MON1B: variants seen among roughly 807,000 people sequenced by gnomAD.
MON1B encodes the protein vacuolar fusion protein MON1 homolog B.
MON1B carries 26 observed loss-of-function variants against 45.1 expected under a neutral mutation model. That is an observed-to-expected ratio of 0.58 (90% CI 0.42 to 0.80). The LOEUF is 0.80. MON1B is among the 30% of genes least tolerant of loss of function. The probability of loss-of-function intolerance (pLI) is 0.00; values close to 1 mark genes in which losing one functional copy is unlikely to be tolerated. For missense variants in MON1B, 737 were observed against 754.5 expected, an observed-to-expected ratio of 0.98 and a Z score of 0.27; for synonymous variants, 395 against 320.2, an observed-to-expected ratio of 1.23 and a Z score of -2.49.
At position 77,194,622 on chromosome 16, in the gene MON1B, C is replaced by G; in HGVS notation, c.763C>G (p.Arg255Gly). 1 of 1,613,786 alleles carries G rather than the reference C, an allele frequency of 6.2e-7. No individual in the cohort carries two copies. Among genetic ancestry groups the G allele is most frequent in the Non-Finnish European group, 8.5e-7 (1 of 1,179,924 alleles). ...TGCCGTGCGCTGTGTGCCCCTTGCCCGCCCGCTGCGAGACGCACTAGGTGC... is the reference window on the plus strand; with the variant it reads ...TGCCGTGCGCTGTGTGCCCCTTGCCGGCCCGCTGCGAGACGCACTAGGTGC... ...LGAVRCVPLA[R>G]PLRDALGALL... The change falls in exon 4 of 6, where the codon CGC (arginine) becomes GGC (glycine). Residue 255 changes from arginine to glycine, a missense_variant. Arg to Gly is a moderately radical substitution (Grantham distance 125, BLOSUM62 -2). Coordinates refer to ENST00000248248, the MANE Select transcript of MON1B (RefSeq NM_014940.4). The surrounding 1 kb of genome is among the most constrained non-coding windows in gnomAD (Gnocchi z 8.1).
chr16:77,194,565 A>G lies in MON1B; in HGVS notation c.706A>G (p.Met236Val), dbSNP rs1374047437. The G allele has an allele frequency of 5.6e-6, 9 of 1,613,922 alleles. No individual in the cohort carries two copies. The highest frequency in any genetic ancestry group is 7.6e-6 in the Non-Finnish European group (9 of 1,179,998). ...ERTLDRLLDS[M>V]EQDPGALLLG... ...CACACTGGACCGACTTCTGGACAGT[A>G]TGGAGCAGGACCCAGGAGCCCTGCT... The change falls in exon 4 of 6, where the codon ATG (methionine) becomes GTG (valine). Residue 236 changes from methionine (M) to valine (V), a missense_variant. By Grantham distance (21) the Met-to-Val change is conservative (BLOSUM62 1). Coordinates refer to ENST00000248248, the MANE Select transcript of MON1B (RefSeq NM_014940.4). This position sits in a 1 kb window ranked among gnomAD's most constrained non-coding sequence, Gnocchi z 8.1.
chr16:77,193,506 C>A lies in MON1B; in HGVS notation c.204C>A (p.Ala68=). 1 of 1,606,148 alleles carries A rather than the reference C, an allele frequency of 6.2e-7. No homozygotes were observed. Among genetic ancestry groups the A allele is most frequent in the Non-Finnish European group, 8.5e-7 (1 of 1,174,858 alleles). Residue 68 remains alanine, a synonymous_variant, in exon 3 of 6, where the codon GCC becomes GCA. Transcript: ENST00000248248. This position sits in a 1 kb window ranked among gnomAD's most constrained non-coding sequence, Gnocchi z 5.0. ...CATCACCACCGCCCCAGTCAGAGGC[C>A]CTGTCAAGCACCTCTCGGCTCTGGA... ...PSPSPPPQSE[A]LSSTSRLWSP...
rs898042069 is a variant in MON1B, at chr16:77,200,188, A to C, written c.*1880A>C. The C allele has an allele frequency of 6.7e-6, 1 of 149,516 alleles. No homozygotes were observed. The highest frequency in any genetic ancestry group is 1.5e-5 in the Non-Finnish European group (1 of 67,610). The allele number at this position is 149,516 out of a possible 1,614,324, so 9.3% of individuals were successfully genotyped here. A position where few individuals can be genotyped will look rare whatever the true frequency, so the allele number is the denominator to read the frequency against. On this transcript the variant is annotated 3_prime_UTR_variant, in exon 6 of 6. Coordinates refer to ENST00000248248, the MANE Select transcript of MON1B (RefSeq NM_014940.4). ...CTACTAAAAAACTATATATACATAT[A>C]CATATGTGTGTATGTGTATTTATAT...
rs2054632718 is a variant in MON1B at position 77,193,385 on chromosome 16, G to A, written c.149-66G>A. 6.9e-7 allele frequency: 1 copy of A among 1,447,562 alleles called. No individual in the cohort carries two copies. The highest frequency in any genetic ancestry group is 1.4e-5 in the African/African-American group (1 of 70,082). The allele number at this position is 1,447,562 out of a possible 1,614,324, so 89.7% of individuals were successfully genotyped here. A position where few individuals can be genotyped will look rare whatever the true frequency, so the allele number is the denominator to read the frequency against. On this transcript the variant is annotated intron_variant, in intron 2 of 5. Transcript: ENST00000248248. The surrounding 1 kb of genome is among the most constrained non-coding windows in gnomAD (Gnocchi z 5.0). ...GGAGGGGCTAGTAGATATTTGGTGG[G>A]TCCTTGGGGATGTGGGATTAGTTAG...
intron 2 of MON1B, among the ~76,000 whole-genome samples, chr16:77,192,162 A>G (rs1480505943): frequency 6.6e-6 from 1 of 152,158 alleles, no homozygotes; most frequent in Non-Finnish European, 1.5e-5. Context: ...TTGAGATTTA[A>G]TGGAAGTCAC....
At position 77,194,567 on chromosome 16, in the gene MON1B, G is replaced by T; in HGVS notation, c.708G>T (p.Met236Ile). 6.2e-7 allele frequency: 1 copy of T among 1,613,990 alleles called. No individual in the cohort carries two copies. The change falls in exon 4 of 6, where the codon ATG (methionine) becomes ATT (isoleucine). Residue 236 changes from methionine (M) to isoleucine (I), a missense_variant. By Grantham distance (10) the Met-to-Ile change is conservative (BLOSUM62 1). Transcript: ENST00000248248. The surrounding 1 kb of genome is among the most constrained non-coding windows in gnomAD (Gnocchi z 8.1). ...ERTLDRLLDS[M>I]EQDPGALLLG... ...CACTGGACCGACTTCTGGACAGTATGGAGCAGGACCCAGGAGCCCTGCTCC... is the reference window on the plus strand; with the variant it reads ...CACTGGACCGACTTCTGGACAGTATTGAGCAGGACCCAGGAGCCCTGCTCC...
rs1372587253 is a variant in MON1B at position 77,200,978 on chromosome 16, A to T, written c.*2670A>T. ...CCCCTTTCTGCACACTCTTTAAACC[A>T]CTGTATTAACAAACACATTAGACTG... On this transcript the variant is annotated 3_prime_UTR_variant, in exon 6 of 6. Coordinates refer to ENST00000248248, the MANE Select transcript of MON1B (RefSeq NM_014940.4). 2 of 152,076 alleles carry T rather than the reference A, an allele frequency of 1.3e-5. No homozygotes were observed. Among genetic ancestry groups the T allele is most frequent in the Non-Finnish European group, 2.9e-5 (2 of 68,020 alleles). 9.4% of individuals were successfully genotyped at this position (152,076 alleles called of 1,614,324 possible).
chr16:77,196,715 G>A (rs529299764), intron 5 of MON1B, among the ~76,000 whole-genome samples: 48 of 152,338 alleles, frequency 3.2e-4, no homozygotes, highest in African/African-American at 9.6e-4. Context: ...GGTGGAGGTT[G>A]CCGTGAGCCA....
rs1349851923 is a variant in MON1B, at chr16:77,199,190, G to C, written c.*882G>C. 4 of 477,004 alleles carry C rather than the reference G, an allele frequency of 8.4e-6. No individual in the cohort carries two copies. Among genetic ancestry groups the C allele is most frequent in the African/African-American group, 8.0e-5 (4 of 50,114 alleles). 29.5% of individuals were successfully genotyped at this position (477,004 alleles called of 1,614,324 possible). A position where few individuals can be genotyped will look rare whatever the true frequency, so the allele number is the denominator to read the frequency against. The stretch of plus-strand genomic sequence containing the variant: ...GAGAGACCTCCCTAGGGTTTTGTGT[G>C]TGTGCACACTACCCTCACTCCCCAA... On this transcript the variant is annotated 3_prime_UTR_variant, in exon 6 of 6. Transcript: ENST00000248248.
rs2054614752 is a variant in MON1B at position 77,191,538 on chromosome 16, T to C, written c.53T>C (p.Leu18Ser). The change falls in exon 2 of 6, where the codon TTG becomes TCG. Residue 18 changes from leucine to serine, a missense_variant. By Grantham distance (145) the Leu-to-Ser change is moderately radical. Coordinates refer to ENST00000248248, the MANE Select transcript of MON1B (RefSeq NM_014940.4). ...CCGGCCCCCGGGGGCGCGGAGGACT[T>C]GGAGGACACGCAGTTCCCCAGTGAG... ...AAPAPGGAED[L>S]EDTQFPSEEA... 1 of 1,609,926 alleles carries C rather than the reference T, an allele frequency of 6.2e-7. No homozygotes were observed. Among genetic ancestry groups the C allele is most frequent in the Non-Finnish European group, 8.5e-7 (1 of 1,178,878 alleles).
At chr16:77,192,061 A>G (rs1043268181) in intron 2 of MON1B, among the ~76,000 whole-genome samples, 54 of 152,320 alleles carry the variant, frequency 3.5e-4, no homozygotes, top group African/African-American at 1.2e-3. Flanking sequence ...TTCGATGGGC[A>G]CTCAGAGTAT....
In MON1B at chr16:77,199,681, G is replaced by A. The variant is rs1302860470; in HGVS notation, c.*1373G>A. On this transcript the variant is annotated 3_prime_UTR_variant, in exon 6 of 6. Coordinates refer to ENST00000248248, the MANE Select transcript of MON1B (RefSeq NM_014940.4). The stretch of plus-strand genomic sequence containing the variant: ...TTTTTTAACCGTTCAGCACAGTGGA[G>A]ATAAATTAACAGGCATATTCTTATC... 6 of 584,340 alleles carry A rather than the reference G, an allele frequency of 1.0e-5. No homozygotes were observed. Among genetic ancestry groups the A allele is most frequent in the African/African-American group, 1.9e-5 (1 of 52,908 alleles). The allele number at this position is 584,340 out of a possible 1,614,324, so 36.2% of individuals were successfully genotyped here.
At position 77,193,734 on chromosome 16, in the gene MON1B, C is replaced by T; in HGVS notation, c.432C>T (p.Ser144=). The change falls in exon 3 of 6, where the codon TCC becomes TCT. Residue 144 remains serine (S), a synonymous_variant. Transcript: ENST00000248248. This position sits in a 1 kb window ranked among gnomAD's most constrained non-coding sequence, Gnocchi z 5.0. ...TGGGTGTAATGACCGCCCTGGTGTC[C>T]TTTGTGCAGAGTGCGGGAGATGCCA... is the stretch of plus-strand genomic sequence containing the variant. The part of the protein sequence containing the change: ...ATMGVMTALV[S]FVQSAGDAIR... 1.2e-6 allele frequency: 2 copies of T among 1,613,984 alleles called. No homozygotes were observed. The highest frequency in any genetic ancestry group is 1.7e-6 in the Non-Finnish European group (2 of 1,179,908).
rs974831608 is a variant in MON1B, at chr16:77,199,518, G to A, written c.*1210G>A. 3 of 1,550,630 alleles carry A rather than the reference G, an allele frequency of 1.9e-6. No individual in the cohort carries two copies. The highest frequency in any genetic ancestry group is 1.7e-6 in the Non-Finnish European group (2 of 1,146,308). The stretch of plus-strand genomic sequence containing the variant: ...AGCTACTGAGGAGGCTGAAGGTAGT[G>A]AGGGCAAGTGGGCTGCACTCCTTTC... On this transcript the variant is annotated 3_prime_UTR_variant, in exon 6 of 6. Transcript: ENST00000248248.
rs1294955264 is a variant in MON1B, at chr16:77,201,681, G to A, written c.*3373G>A. 6.6e-6 allele frequency: 1 copy of A among 152,188 alleles called. No individual in the cohort carries two copies. Among genetic ancestry groups the A allele is most frequent in the Non-Finnish European group, 1.5e-5 (1 of 68,044 alleles). The allele number at this position is 152,188 out of a possible 1,614,324, so 9.4% of individuals were successfully genotyped here. Reference sequence around the variant, plus strand: ...TGTTGATGTAGGCACAACACAAGAAGTAGTCACAGAAATTGCTAAGTCTAG... The same window carrying A: ...TGTTGATGTAGGCACAACACAAGAAATAGTCACAGAAATTGCTAAGTCTAG... On this transcript the variant is annotated 3_prime_UTR_variant, in exon 6 of 6. Coordinates refer to ENST00000248248, the MANE Select transcript of MON1B (RefSeq NM_014940.4).
In MON1B at chr16:77,201,472, G is replaced by C. The variant is rs2054741873; in HGVS notation, c.*3164G>C. ...GGGAAGCATAGTATCTGGTATTGAC[G>C]ACCTTGTAGAGAAACAGGCCTTTTC... On this transcript the variant is annotated 3_prime_UTR_variant, in exon 6 of 6. Coordinates refer to ENST00000248248, the MANE Select transcript of MON1B (RefSeq NM_014940.4). 6.6e-6 allele frequency: 1 copy of C among 152,172 alleles called. No individual in the cohort carries two copies. The highest frequency in any genetic ancestry group is 6.5e-5 in the Admixed American group (1 of 15,276). 9.4% of individuals were successfully genotyped at this position (152,172 alleles called of 1,614,324 possible). A position where few individuals can be genotyped will look rare whatever the true frequency, so the allele number is the denominator to read the frequency against.
chr16:77,198,331 C>A lies in MON1B; in HGVS notation c.*23C>A. On this transcript the variant is annotated 3_prime_UTR_variant, in exon 6 of 6. Coordinates refer to ENST00000248248, the MANE Select transcript of MON1B (RefSeq NM_014940.4). ...TGATAGTTGGAGCTCCCAGACCAGG[C>A]AGTGCTGGGAGCAACCACCTTTGTT... 1 of 1,607,510 alleles carries A rather than the reference C, an allele frequency of 6.2e-7. No homozygotes were observed. Among genetic ancestry groups the A allele is most frequent in the East Asian group, 2.2e-5 (1 of 44,842 alleles).
rs111634620 is a variant in MON1B at position 77,196,341 on chromosome 16, C to G, written c.1443+659C>G. Among the ~76,000 whole-genome samples, 1,018 of 150,066 alleles carry G rather than the reference C, an allele frequency of 6.8e-3. 9 individuals are homozygous for G. The highest frequency in any genetic ancestry group is 0.023 in the African/African-American group (939 of 40,576). The stretch of plus-strand genomic sequence containing the variant: ...TTTCAAATAACTTTAGACTTAGAAG[C>G]TGCAAAAACAATATAAAGAGTTTTT... On this transcript the variant is annotated intron_variant, in intron 5 of 5. Transcript: ENST00000248248.
chr16:77,200,291 T>TACACATACAC lies in MON1B; in HGVS notation c.*1988_*1989insTACACACACA, dbSNP rs2054724506. 1 of 111,430 alleles carries TACACATACAC rather than the reference T, an allele frequency of 9.0e-6. No individual in the cohort carries two copies. Among genetic ancestry groups the TACACATACAC allele is most frequent in the African/African-American group, 3.4e-5 (1 of 29,728 alleles). The allele number at this position is 111,430 out of a possible 1,614,324, so 6.9% of individuals were successfully genotyped here. Reference sequence around the variant, plus strand: ...ATATATGTGTATATATATATATATATACACACACTAATCAGCCGGGCGCGG... The same window carrying TACACATACAC: ...ATATATGTGTATATATATATATATATACACATACACACACACACTAATCAGCCGGGCGCGG... On this transcript the variant is annotated 3_prime_UTR_variant, in exon 6 of 6. Coordinates refer to ENST00000248248, the MANE Select transcript of MON1B (RefSeq NM_014940.4).
Sources: gnomAD v4.1 joint callset for allele counts (sites outside exome capture counted in the v4.1 genomes callset) on GRCh38, gnomAD v4.1.1 for gene constraint, Gnocchi (gnomAD v3.1) non-coding constraint, MANE v1.5 for transcripts, NCBI Gene and HGNC (gene_info 2026-07-23, HGNC 2026-07-21) for gene names.